The following PNO1 variants were observed in gnomAD, a reference collection of about 807,000 sequenced individuals.
PNO1 encodes the protein partner of NOB1 homolog, also known as RNA-binding protein PNO1.
In PNO1, 16 loss-of-function variants were observed where a neutral mutation model predicts 28.4. That is an observed-to-expected ratio of 0.56 (90% confidence interval 0.38 to 0.85). PNO1 has a LOEUF of 0.85. Ranked by LOEUF, PNO1 falls within the 40% of genes least tolerant of loss-of-function variation. The pLI is 0.00. For synonymous variants in PNO1, 115 were observed against 110.8 expected, an observed-to-expected ratio of 1.04 and a Z score of -0.24; for missense variants, 304 against 312.2, an observed-to-expected ratio of 0.97 and a Z score of 0.20.
chr2:68,162,144 G>GAA (rs11402583), intron 3 of PNO1, 121 bp from the exon 4 acceptor site: 6,475 of 587,244 alleles, frequency 0.011, no homozygotes, highest in South Asian at 0.021. Context: ...GTCTCCAAGG[G>GAA]AAAAAAAAAA....
intron 5 of PNO1, among the ~76,000 whole-genome samples, chr2:68,167,606 A>C (rs1297096323): frequency 2.0e-5 from 3 of 152,200 alleles, no homozygotes; most frequent in Admixed American, 6.5e-5. Context: ...TCTCTTCTTT[A>C]CTAATAATTG....
chr2:68,162,366 G>T (rs577975219), intron 4 of PNO1, 41 bp downstream of exon 4: 5 of 1,462,848 alleles, frequency 3.4e-6, no homozygotes, highest in Admixed American at 1.8e-5. Context: ...CGCTGACTTT[G>T]TATTGTGATG....
chr2:68,162,749 C>A, intron 5 of PNO1, 86 bp downstream of exon 5: 2 of 848,784 alleles, frequency 2.4e-6, no homozygotes, highest in Non-Finnish European at 4.0e-6. Context: ...GTATTTTATG[C>A]ATAATGTTGC....
At chr2:68,164,698 C>T (rs1392417632) in intron 5 of PNO1, among the ~76,000 whole-genome samples, 1 of 151,948 alleles carries the variant, frequency 6.6e-6, no homozygotes, top group Non-Finnish European at 1.5e-5. Flanking sequence ...TCAGGAGGCT[C>T]AGGTGGGAGG....
In PNO1 at chr2:68,162,562, A is replaced by T. The variant is rs1673862972; in HGVS notation, c.519A>T (p.Gly173=). The change falls in exon 5 of 7, where the codon GGA becomes GGT. Residue 173 remains glycine, a synonymous_variant. Transcript: ENST00000263657. ...CTTGTTTAGTTAAACCCCTAAAGGG[A>T]GACCATCTATCCAGGGCAATAGGAA... ...FEITDVKPLK[G]DHLSRAIGRI... The T allele has an allele frequency of 6.2e-7, 1 of 1,612,832 alleles. No individual in the cohort carries two copies. The highest frequency in any genetic ancestry group is 1.3e-5 in the African/African-American group (1 of 74,898).
intron 5 of PNO1, among the ~76,000 whole-genome samples, chr2:68,163,866 G>T (rs1250623437): frequency 1.3e-5 from 2 of 152,140 alleles, no homozygotes; most frequent in Non-Finnish European, 2.9e-5. Context: ...CTTACTGGCA[G>T]ATGGCTCAGA....
chr2:68,168,870 TG>T (rs1210203912), intron 5 of PNO1, among the ~76,000 whole-genome samples: 2 of 151,488 alleles, frequency 1.3e-5, no homozygotes, highest in Non-Finnish European at 2.9e-5. Context: ...GGTGGGCAAC[TG>T]CAACTGCAGG....
intron 5 of PNO1, among the ~76,000 whole-genome samples, chr2:68,172,227 G>C (rs1348525826): frequency 1.3e-5 from 2 of 152,162 alleles, no homozygotes; most frequent in African/African-American, 2.4e-5. Context: ...GCTGAGGACC[G>C]CAGCCAGGCA....
At chr2:68,159,399 G>A (rs2103664361) in intron 2 of PNO1, among the ~76,000 whole-genome samples, 1 of 152,064 alleles carries the variant, frequency 6.6e-6, no homozygotes, top group Non-Finnish European at 1.5e-5. Context: ...AGTAGAGACT[G>A]GGTTTTAGCA....
chr2:68,169,328 T>A (rs1238770466), intron 5 of PNO1, among the ~76,000 whole-genome samples: 1 of 152,126 alleles, frequency 6.6e-6, no homozygotes, highest in East Asian at 1.9e-4. Flanking sequence ...GTTGGGTGGG[T>A]CCTATGGTCC....
chr2:68,176,195 A>C lies in PNO1; in HGVS notation c.*1393A>C, dbSNP rs1674279105. On this transcript the variant is annotated 3_prime_UTR_variant, in exon 7 of 7. Transcript: ENST00000263657. ...TAAATGGTATTATTTTATACATTAC[A>C]AAATGGAAGGAACTTACTTTATTAA... 1 of 152,254 alleles carries C rather than the reference A, an allele frequency of 6.6e-6. No homozygotes were observed. Among genetic ancestry groups the C allele is most frequent in the Non-Finnish European group, 1.5e-5 (1 of 68,046 alleles). The allele number at this position is 152,254 out of a possible 1,614,324, so 9.4% of individuals were successfully genotyped here.
intron 6 of PNO1, among the ~76,000 whole-genome samples, chr2:68,174,510 C>A (rs1202715035): frequency 6.6e-6 from 1 of 151,892 alleles, no homozygotes; most frequent in African/African-American, 2.4e-5. Context: ...ATTTACATAG[C>A]ATTTGCATTG....
chr2:68,174,857 C>A lies in PNO1; in HGVS notation c.*55C>A. The A allele has an allele frequency of 8.9e-7, 1 of 1,120,350 alleles. No homozygotes were observed. The highest frequency in any genetic ancestry group is 1.3e-6 in the Non-Finnish European group (1 of 744,598). 69.4% of individuals were successfully genotyped at this position (1,120,350 alleles called of 1,614,324 possible). On this transcript the variant is annotated 3_prime_UTR_variant, in exon 7 of 7. Coordinates refer to ENST00000263657, the MANE Select transcript of PNO1 (RefSeq NM_020143.4). ...TTGGACTCTGGTGAAAAATACTTTA[C>A]AGTGGTCGGTCACAAGAAACCAGCT...
In PNO1 at chr2:68,157,954, C is replaced by T. The variant is rs773294879; in HGVS notation, c.20C>T (p.Thr7Met). 3.1e-6 allele frequency: 5 copies of T among 1,613,898 alleles called. No homozygotes were observed. The Admixed American group carries it at 8.3e-5, about 27-fold the overall frequency. Residue 7 changes from threonine (T) to methionine (M), a missense_variant, in exon 1 of 7, where the codon ACG becomes ATG. By Grantham distance (81) the Thr-to-Met change is moderately conservative. Transcript: ENST00000263657. ...CCGGGGATGGAATCCGAAATGGAAA[C>T]GCAGAGCGCCAGGGCAGAGGAGGGC... MESEMETQSARAEEGFT... is the reference protein window; with the variant it reads MESEMEMQSARAEEGFT...
At chr2:68,170,559 A>T (rs1464267799) in intron 5 of PNO1, among the ~76,000 whole-genome samples, 1 of 152,144 alleles carries the variant, frequency 6.6e-6, no homozygotes, top group Non-Finnish European at 1.5e-5. Context: ...CATCCTGGCT[A>T]ACACGGTGAA....
chr2:68,157,974 G>A lies in PNO1; in HGVS notation c.40G>A (p.Glu14Lys), dbSNP rs553499759. ...GGAAACGCAGAGCGCCAGGGCAGAG[G>A]AGGGCTTTACCCAGGTCACCCGCAA... ...EMETQSARAE[E>K]GFTQVTRKGG... Residue 14 changes from glutamate (E) to lysine (K), a missense_variant, in exon 1 of 7, where the codon GAG becomes AAG. Coordinates refer to ENST00000263657, the MANE Select transcript of PNO1 (RefSeq NM_020143.4). 7 of 1,614,142 alleles carry A rather than the reference G, an allele frequency of 4.3e-6. No individual in the cohort carries two copies. The highest frequency in any genetic ancestry group is 5.9e-6 in the Non-Finnish European group (7 of 1,180,024).
intron 5 of PNO1, among the ~76,000 whole-genome samples, chr2:68,172,379 G>A (rs1380098011): frequency 6.6e-6 from 1 of 152,188 alleles, no homozygotes; most frequent in Non-Finnish European, 1.5e-5. Flanking sequence ...TGTGGAGGAA[G>A]AACTGGCCAC....
intron 5 of PNO1, among the ~76,000 whole-genome samples, chr2:68,163,540 AATACATAC>A (rs543846420): frequency 8.2e-4 from 111 of 136,164 alleles, no homozygotes; most frequent in Middle Eastern, 7.4e-3. Context: ...CAAATAAATA[AATACATAC>A]ATACATACAT....
chr2:68,160,795 G>A (rs1389337038), intron 2 of PNO1, among the ~76,000 whole-genome samples: 1 of 152,152 alleles, frequency 6.6e-6, no homozygotes, highest in Non-Finnish European at 1.5e-5. Context: ...GTATCTATGG[G>A]ACTTGTCTAA....
Sources: gnomAD v4.1 joint callset for allele counts (sites outside exome capture counted in the v4.1 genomes callset) on GRCh38, gnomAD v4.1.1 for gene constraint, MANE v1.5 for transcripts, NCBI Gene and HGNC (gene_info 2026-07-23, HGNC 2026-07-21) for gene names.